Variants in DEFB125 observed in about 807,000 individuals in gnomAD.
DEFB125 encodes beta-defensin 125.
DEFB125 carries 11 observed loss-of-function variants against 11.8 expected under a neutral mutation model. That is an observed-to-expected ratio of 0.94 (90% CI 0.59 to 1.55). DEFB125 has a LOEUF of 1.55. Among genes scored for constraint, DEFB125 ranks in the 40% most tolerant of loss-of-function variants. The pLI is 0.00. For synonymous variants in DEFB125, 79 were observed against 66.7 expected, an observed-to-expected ratio of 1.18 and a Z score of -0.90; for missense variants, 198 against 191.2, an observed-to-expected ratio of 1.04 and a Z score of -0.21.
intron 1 of DEFB125, among the ~76,000 whole-genome samples, chr20:90,899 C>T (rs1291924063): frequency 2.0e-5 from 3 of 152,212 alleles, no homozygotes; most frequent in East Asian, 3.8e-4. Flanking sequence ...CACCTTGTTA[C>T]ACAGGCTTGT....
chr20:89,230 T>C (rs1017179640), intron 1 of DEFB125, among the ~76,000 whole-genome samples: 5 of 152,192 alleles, frequency 3.3e-5, no homozygotes, highest in Admixed American at 3.3e-4. Context: ...GTTATAACTG[T>C]GCCTATGATC....
In DEFB125 at chr20:96,088, C is replaced by A; in HGVS notation, c.142C>A (p.Leu48Ile). The A allele has an allele frequency of 6.2e-7, 1 of 1,614,124 alleles. No homozygotes were observed. The highest frequency in any genetic ancestry group is 1.6e-4 in the Middle Eastern group (1 of 6,062). The change falls in exon 2 of 2, where the codon CTT becomes ATT. Residue 48 changes from leucine (L) to isoleucine (I), a missense_variant. Leu to Ile is a conservative substitution (Grantham distance 5). Coordinates refer to ENST00000382410, the MANE Select transcript of DEFB125 (RefSeq NM_153325.4). ...RCLDTERYIL[L>I]CRNKLSCCIS... Reference sequence around the variant, plus strand: ...TTTAGATACTGAAAGGTACATACTTCTTTGTAGGAACAAGCTATCATGCTG... The same window carrying A: ...TTTAGATACTGAAAGGTACATACTTATTTGTAGGAACAAGCTATCATGCTG...
In DEFB125 at chr20:96,558, C is replaced by A; in HGVS notation, c.*141C>A. On this transcript the variant is annotated 3_prime_UTR_variant, in exon 2 of 2. Coordinates refer to ENST00000382410, the MANE Select transcript of DEFB125 (RefSeq NM_153325.4). The stretch of plus-strand genomic sequence containing the variant: ...TGGGGATGGACATAATTGCTACTAC[C>A]AACACAACAGCCAAGAGAGTTGCCT... The A allele has an allele frequency of 1.0e-6, 1 of 980,804 alleles. No individual in the cohort carries two copies. Among genetic ancestry groups the A allele is most frequent in the Non-Finnish European group, 1.5e-6 (1 of 668,024 alleles). 60.8% of individuals were successfully genotyped at this position (980,804 alleles called of 1,614,324 possible). A position where few individuals can be genotyped will look rare whatever the true frequency, so the allele number is the denominator to read the frequency against.
intron 1 of DEFB125, among the ~76,000 whole-genome samples, chr20:94,614 C>A (rs2054508071): frequency 6.6e-6 from 1 of 152,142 alleles, no homozygotes; most frequent in Non-Finnish European, 1.5e-5. Flanking sequence ...TGCTGTTCAC[C>A]TTTTGCTGTG....
chr20:92,335 A>G (rs2054499170), intron 1 of DEFB125, among the ~76,000 whole-genome samples: 1 of 151,584 alleles, frequency 6.6e-6, no homozygotes, highest in African/African-American at 2.4e-5. Flanking sequence ...TCACCCCTCA[A>G]ATGAGTAGTC....
intron 1 of DEFB125, among the ~76,000 whole-genome samples, chr20:93,482 T>C (rs370435268): frequency 2.6e-5 from 4 of 152,340 alleles, no homozygotes; most frequent in African/African-American, 9.6e-5. Context: ...ATTTGGTTTC[T>C]TTTTTCATAC....
At chr20:92,333 C>A (rs879298913) in intron 1 of DEFB125, among the ~76,000 whole-genome samples, 3 of 151,558 alleles carry the variant, frequency 2.0e-5, no homozygotes, top group African/African-American at 7.3e-5. Context: ...CCTCACCCCT[C>A]AAATGAGTAG....
Position 96,445 on chromosome 20 carries a change from C to G in DEFB125, c.*28C>G. The G allele has an allele frequency of 6.3e-7, 1 of 1,577,594 alleles. No homozygotes were observed. The highest frequency in any genetic ancestry group is 1.2e-5 in the South Asian group (1 of 86,642). On this transcript the variant is annotated 3_prime_UTR_variant, in exon 2 of 2. Coordinates refer to ENST00000382410, the MANE Select transcript of DEFB125 (RefSeq NM_153325.4). ...AACATTTACTTCTGGTATGGAACAA[C>G]TAGAAATACTGCTGGAAATAATATC... is the stretch of plus-strand genomic sequence containing the variant.
intron 1 of DEFB125, among the ~76,000 whole-genome samples, chr20:90,665 C>T (rs1196718633): frequency 6.6e-6 from 1 of 152,190 alleles, no homozygotes; most frequent in African/African-American, 2.4e-5. Flanking sequence ...TACAGTGGCT[C>T]ACCTGGCCCT....
intron 1 of DEFB125, among the ~76,000 whole-genome samples, chr20:88,659 A>G (rs755977721): frequency 5.3e-5 from 8 of 152,162 alleles, no homozygotes; most frequent in Non-Finnish European, 1.0e-4. Context: ...GCAATGTACT[A>G]GCAATATATT....
At chr20:88,771 A>T (rs2054485753) in intron 1 of DEFB125, among the ~76,000 whole-genome samples, 1 of 152,122 alleles carries the variant, frequency 6.6e-6, no homozygotes, top group Non-Finnish European at 1.5e-5. Flanking sequence ...TTACTCCGCT[A>T]CTGATGAAAA....
At chr20:95,979 T>C in intron 1 of DEFB125, 26 bp from the exon 2 acceptor site, 1 of 1,537,520 alleles carries the variant, frequency 6.5e-7, no homozygotes. Context: ...GAGTTAAAAA[T>C]TTGACCTATA....
intron 1 of DEFB125, among the ~76,000 whole-genome samples, chr20:93,089 G>A (rs939344388): frequency 6.6e-6 from 1 of 151,254 alleles, no homozygotes; most frequent in African/African-American, 2.4e-5. Flanking sequence ...TCCTGCCTCA[G>A]CATCCTGAGT....
At chr20:93,057 G>A (rs1183871669) in intron 1 of DEFB125, among the ~76,000 whole-genome samples, 4 of 145,764 alleles carry the variant, frequency 2.7e-5, no homozygotes, top group South Asian at 2.2e-4. Context: ...TGCAACCTTC[G>A]CCTCCCAGGT....
At chr20:95,309 T>C (rs1303791075) in intron 1 of DEFB125, among the ~76,000 whole-genome samples, 1 of 152,186 alleles carries the variant, frequency 6.6e-6, no homozygotes, top group Non-Finnish European at 1.5e-5. Flanking sequence ...TAGTCCTCTT[T>C]TTTTCTCATA....
rs1380018053 is a variant in DEFB125 at position 96,371 on chromosome 20, C to A, written c.425C>A (p.Ser142Tyr). Reference protein sequence around the residue: ...TTMPPSETATSETMPPPSQTA... With the variant: ...TTMPPSETATYETMPPPSQTA... ...ATGCCACCATCTGAGACTGCTACTT[C>A]CGAGACTATGCCACCACCTTCTCAG... The change falls in exon 2 of 2, where the codon TCC (serine) becomes TAC (tyrosine). Residue 142 changes from serine (S) to tyrosine (Y), a missense_variant. Coordinates refer to ENST00000382410, the MANE Select transcript of DEFB125 (RefSeq NM_153325.4). The A allele has an allele frequency of 1.9e-6, 3 of 1,613,994 alleles. No individual in the cohort carries two copies. The highest frequency in any genetic ancestry group is 1.7e-6 in the Non-Finnish European group (2 of 1,179,922).
chr20:95,978 A>T (rs751870543), intron 1 of DEFB125, 27 bp from the exon 2 acceptor site: 20 of 1,537,314 alleles, frequency 1.3e-5, no homozygotes, highest in Non-Finnish European at 1.8e-5. Flanking sequence ...AGAGTTAAAA[A>T]TTTGACCTAT....
At chr20:89,270 A>C (rs991867075) in intron 1 of DEFB125, among the ~76,000 whole-genome samples, 1 of 152,170 alleles carries the variant, frequency 6.6e-6, no homozygotes, top group Non-Finnish European at 1.5e-5. Flanking sequence ...TGTTGATGTA[A>C]TGTGAGTTAC....
intron 1 of DEFB125, among the ~76,000 whole-genome samples, chr20:93,797 G>A (rs1052927252): frequency 6.6e-6 from 1 of 152,200 alleles, no homozygotes; most frequent in Non-Finnish European, 1.5e-5. Context: ...AGAAATGCCA[G>A]AAAATTATCA....
Sources: gnomAD v4.1 joint callset for allele counts (sites outside exome capture counted in the v4.1 genomes callset) on GRCh38, gnomAD v4.1.1 for gene constraint, MANE v1.5 for transcripts, NCBI Gene and HGNC (gene_info 2026-07-23, HGNC 2026-07-21) for gene names.